Variants in APTX observed in about 807,000 individuals in gnomAD.
APTX encodes the protein aprataxin.
APTX carries 33 observed loss-of-function variants against 42.3 expected under a neutral mutation model. That is an observed-to-expected ratio of 0.78 (90% CI 0.59 to 1.04). The LOEUF is 1.04. Ranked by LOEUF, APTX falls within the 50% of genes least tolerant of loss-of-function variation. The probability of loss-of-function intolerance (pLI) is 0.00; values close to 1 mark genes in which losing one functional copy is unlikely to be tolerated. For missense variants in APTX, 421 were observed against 415.1 expected, an observed-to-expected ratio of 1.01 and a Z score of -0.12; for synonymous variants, 130 against 146.7, an observed-to-expected ratio of 0.89 and a Z score of 0.82.
At chr9:32,996,441 A>G (rs1474361134) in intron 1 of APTX, among the ~76,000 whole-genome samples, 1 of 151,968 alleles carries the variant, frequency 6.6e-6, no homozygotes, top group African/African-American at 2.4e-5. Flanking sequence ...ATGCCTTGCT[A>G]ATTTATTTTA....
At chr9:32,993,417 C>T (rs1366186277) in intron 1 of APTX, among the ~76,000 whole-genome samples, 1 of 152,140 alleles carries the variant, frequency 6.6e-6, no homozygotes, top group Non-Finnish European at 1.5e-5. Flanking sequence ...AGTAAAACTC[C>T]ATAAACTGAA....
intron 1 of APTX, among the ~76,000 whole-genome samples, chr9:33,000,643 A>AG (rs1554672733): frequency 6.1e-5 from 9 of 146,376 alleles, no homozygotes; most frequent in East Asian, 2.0e-4. Context: ...AAAAAAAAAA[A>AG]AAAAGAAAAG....
intron 6 of APTX, among the ~76,000 whole-genome samples, chr9:32,980,944 T>C (rs2118551315): frequency 6.6e-6 from 1 of 152,188 alleles, no homozygotes; most frequent in East Asian, 1.9e-4. Context: ...CAATAAATAA[T>C]CAAAATCAAT....
intron 1 of APTX, among the ~76,000 whole-genome samples, chr9:32,993,079 C>G (rs1417143724): frequency 6.6e-6 from 1 of 152,096 alleles, no homozygotes; most frequent in African/African-American, 2.4e-5. Context: ...TAAGAGAAGC[C>G]AGAAGAGAAC....
intron 1 of APTX, among the ~76,000 whole-genome samples, chr9:32,998,984 C>A (rs540263282): frequency 6.6e-6 from 1 of 151,856 alleles, no homozygotes; most frequent in Non-Finnish European, 1.5e-5. Context: ...AAAATGACTA[C>A]CCATAGCAGA....
chr9:33,019,033 TAAAG>T (rs993492423), intron 1 of APTX, among the ~76,000 whole-genome samples: 4 of 152,040 alleles, frequency 2.6e-5, no homozygotes, highest in Non-Finnish European at 5.9e-5. Context: ...AGGGAAAAAT[TAAAG>T]AAACCCAAAT....
At chr9:32,990,283 C>T (rs10971275) in intron 1 of APTX, among the ~76,000 whole-genome samples, 10,735 of 152,292 alleles carry the variant, frequency 0.07, 514 homozygotes, top group Non-Finnish European at 0.11. Context: ...AGCAATTCTC[C>T]TGCCTTAGCC....
At chr9:32,987,436 G>A (rs1832456325) in intron 4 of APTX, 108 bp downstream of exon 4, 5 of 1,401,232 alleles carry the variant, frequency 3.6e-6, no homozygotes, top group Admixed American at 3.4e-5. Context: ...CTTTCATCAT[G>A]GTTAATAACC....
At position 32,980,833 on chromosome 9, in the gene APTX, G is replaced by A. The variant is rs559578248; in HGVS notation, c.770+3798C>T. The stretch of plus-strand genomic sequence containing the variant: ...GGTTAGGTGAAAAAGCAGGTTTGGG[G>A]AAGAAAATCAGGAATTCTCTTTTGG... On this transcript the variant is annotated intron_variant, in intron 6 of 7. Coordinates refer to ENST00000379817, the MANE Select transcript of APTX (RefSeq NM_001195248.2). 2.8e-4 allele frequency among the ~76,000 whole-genome samples: 42 copies of A among 152,320 alleles called. No homozygotes were observed. The South Asian group carries it at 8.1e-3, about 29-fold the overall frequency.
intron 2 of APTX, among the ~76,000 whole-genome samples, 172 bp from the exon 3 acceptor site, chr9:32,988,301 T>C (rs1009936127): frequency 1.3e-5 from 2 of 152,196 alleles, no homozygotes; most frequent in Non-Finnish European, 2.9e-5. Flanking sequence ...CTCCAAATCC[T>C]ACCAATTTCT....
At chr9:33,024,875 GGGC>G in intron 1 of APTX, 1 of 87,694 alleles carries the variant, frequency 1.1e-5, no homozygotes, top group Non-Finnish European at 2.4e-5. Context: ...GGGGGGGGGG[GGGC>G]AAGACTGTTC....
chr9:33,019,583 G>A (rs1009354296), intron 1 of APTX: 7 of 363,960 alleles, frequency 1.9e-5, no homozygotes, highest in Non-Finnish European at 2.5e-5. Context: ...AGTACAGGCC[G>A]ACCATGAGGC....
intron 1 of APTX, 164 bp downstream of exon 1, chr9:33,001,403 C>T (rs977899043): frequency 6.5e-6 from 10 of 1,535,076 alleles, no homozygotes; most frequent in Non-Finnish European, 8.7e-6. Flanking sequence ...CTGAAACAGC[C>T]CAAGGTAGTA....
chr9:33,024,280 T>G (rs1306259583), intron 1 of APTX, among the ~76,000 whole-genome samples: 1 of 152,238 alleles, frequency 6.6e-6, no homozygotes, highest in Non-Finnish European at 1.5e-5. Flanking sequence ...CCCAAAGTGC[T>G]GGGATTACAC....
upstream of APTX, among the ~76,000 whole-genome samples, chr9:33,003,493 G>T (rs112604404): frequency 6.6e-6 from 1 of 152,080 alleles, no homozygotes; most frequent in African/African-American, 2.4e-5. Flanking sequence ...CCAGCCTGGC[G>T]TGGCGGAACT....
upstream of APTX, chr9:33,001,780 C>T (rs1587614599): frequency 2.5e-6 from 2 of 793,268 alleles, no homozygotes; most frequent in Non-Finnish European, 4.1e-6. Context: ...ACTGAGGATC[C>T]TGGAAGTTAT....
intron 2 of APTX, among the ~76,000 whole-genome samples, chr9:32,988,895 CAG>C (rs1489345897): frequency 1.3e-5 from 2 of 152,128 alleles, no homozygotes; most frequent in Admixed American, 6.5e-5. Context: ...AAGATGATTG[CAG>C]AGACAGAACA....
Position 32,986,045 on chromosome 9 carries a change from AAAAAAAAAAC to A in APTX, c.484-25_484-16del, listed in dbSNP as rs1563963821. 4.5e-6 allele frequency: 3 copies of A among 673,194 alleles called. No individual in the cohort carries two copies. Among genetic ancestry groups the A allele is most frequent in the Non-Finnish European group, 6.5e-6 (3 of 462,004 alleles). The allele number at this position is 673,194 out of a possible 1,614,324, so 41.7% of individuals were successfully genotyped here. ...CCCAGGGATTCCTAAAAAAAAAACA[AAAAAAAAAAC>A]AAAAAAAAAAAAAAACAAGCAATGT... On this transcript the variant is annotated splice_polypyrimidine_tract_variant and intron_variant, in intron 4 of 7. Coordinates refer to ENST00000379817, the MANE Select transcript of APTX (RefSeq NM_001195248.2).
In APTX at chr9:32,984,582, G is replaced by A. The variant is rs1411398172; in HGVS notation, c.770+49C>T. ...CAGCAAGCCCAGGCTGAATCTATCT[G>A]CCCACCTGGACAGAACCAGGAGCCA... On this transcript the variant is annotated intron_variant, in intron 6 of 7. Coordinates refer to ENST00000379817, the MANE Select transcript of APTX (RefSeq NM_001195248.2). 5 of 1,568,370 alleles carry A rather than the reference G, an allele frequency of 3.2e-6. No homozygotes were observed. In the East Asian group the frequency reaches 1.1e-4, roughly 35 times the overall value.
Sources: allele counts gnomAD v4.1 joint callset (sites outside exome capture counted in the v4.1 genomes callset), GRCh38; gene constraint gnomAD v4.1.1; transcripts MANE v1.5; gene names NCBI Gene and HGNC (gene_info 2026-07-23, HGNC 2026-07-21).